Variants in CDH20 observed in about 807,000 individuals in gnomAD.
CDH20 encodes cadherin 20.
CDH20 carries 29 observed loss-of-function variants against 74.2 expected under a neutral mutation model. That is an observed-to-expected ratio of 0.39 (90% CI 0.29 to 0.53). The LOEUF is 0.53. Among genes scored for constraint, CDH20 ranks in the 20% least tolerant of loss-of-function variants. The pLI is 0.69. For missense variants in CDH20, 988 were observed against 1,048.3 expected (o/e 0.94, Z 0.79); for synonymous variants, 469 against 405.4 (o/e 1.16, Z -1.88).
At chr18:61,509,417 T>C (rs955787575) in intron 6 of CDH20, among the ~76,000 whole-genome samples, 1 of 151,946 alleles carries the variant, frequency 6.6e-6, no homozygotes, top group African/African-American at 2.4e-5. Context: ...GCATGAACTA[T>C]TGAGGAAAGC....
chr18:61,402,446 A>AG (rs1912185960), intron 1 of CDH20, among the ~76,000 whole-genome samples: 2 of 152,226 alleles, frequency 1.3e-5, no homozygotes, highest in African/African-American at 4.8e-5. Flanking sequence ...GGAAAAAAAA[A>AG]GGAAATTGAC....
At chr18:61,432,069 ACC>A (rs1215136119) in intron 1 of CDH20, among the ~76,000 whole-genome samples, 1 of 151,598 alleles carries the variant, frequency 6.6e-6, no homozygotes, top group African/African-American at 2.4e-5. Flanking sequence ...ACATGGTGAA[ACC>A]CCATCTCTAC....
intron 1 of CDH20, among the ~76,000 whole-genome samples, chr18:61,371,687 A>T (rs1191456018): frequency 6.6e-6 from 1 of 152,090 alleles, no homozygotes; most frequent in Non-Finnish European, 1.5e-5. Context: ...GGCCAAAAGA[A>T]AAGTAGCTCA....
At chr18:61,372,480 T>C (rs1032399965) in intron 1 of CDH20, among the ~76,000 whole-genome samples, 2 of 152,132 alleles carry the variant, frequency 1.3e-5, no homozygotes, top group African/African-American at 4.8e-5. Flanking sequence ...AGAAATTATT[T>C]AAATTCTCCC....
chr18:61,490,922 C>A, intron 2 of CDH20, 123 bp downstream of exon 2: 1 of 996,928 alleles, frequency 1.0e-6, no homozygotes, highest in Non-Finnish European at 1.5e-6. Flanking sequence ...TGGTACGTTA[C>A]TTGACACCTA....
intron 7 of CDH20, 39 bp downstream of exon 7, chr18:61,528,259 A>C: frequency 6.3e-7 from 1 of 1,599,296 alleles, no homozygotes; most frequent in Non-Finnish European, 8.6e-7. Flanking sequence ...ATATGCTGGA[A>C]TCTTCCCTTC....
intron 5 of CDH20, among the ~76,000 whole-genome samples, chr18:61,504,257 T>C (rs1911483605): frequency 6.6e-6 from 1 of 152,114 alleles, no homozygotes; most frequent in Non-Finnish European, 1.5e-5. Context: ...AGGAGGCATT[T>C]AGAGTGGTCC....
chr18:61,454,921 T>G (rs1909522026), intron 1 of CDH20, among the ~76,000 whole-genome samples: 1 of 152,140 alleles, frequency 6.6e-6, no homozygotes, highest in Non-Finnish European at 1.5e-5. Flanking sequence ...GCATCATGCG[T>G]GAGGCAAAAG....
At chr18:61,402,652 T>C (rs1048656847) in intron 1 of CDH20, among the ~76,000 whole-genome samples, 1 of 152,154 alleles carries the variant, frequency 6.6e-6, no homozygotes, top group Non-Finnish European at 1.5e-5. Context: ...TACTATAACC[T>C]GAGAAGAGTA....
chr18:61,373,105 C>A (rs925871469), intron 1 of CDH20, among the ~76,000 whole-genome samples: 2 of 151,510 alleles, frequency 1.3e-5, no homozygotes, highest in African/African-American at 4.9e-5. Context: ...TTTTGCCTTT[C>A]GTTTTTCTTA....
intron 1 of CDH20, among the ~76,000 whole-genome samples, chr18:61,406,483 G>A (rs994972999): frequency 6.6e-6 from 1 of 152,186 alleles, no homozygotes; most frequent in Non-Finnish European, 1.5e-5. Flanking sequence ...AGATTGGAGG[G>A]GAGTCTCTTC....
intron 1 of CDH20, among the ~76,000 whole-genome samples, chr18:61,482,547 A>G (rs1255580718): frequency 6.6e-6 from 1 of 152,308 alleles, no homozygotes; most frequent in East Asian, 1.9e-4. Flanking sequence ...CAGAAACACT[A>G]CTAAACAGAG....
At chr18:61,461,288 C>T (rs1909758685) in intron 1 of CDH20, among the ~76,000 whole-genome samples, 3 of 149,550 alleles carry the variant, frequency 2.0e-5, no homozygotes, top group Admixed American at 2.0e-4. Context: ...TGTATTAGTT[C>T]CCTAAGTTGA....
chr18:61,453,689 A>ATGTG (rs886946678), intron 1 of CDH20, among the ~76,000 whole-genome samples: 1 of 152,012 alleles, frequency 6.6e-6, no homozygotes, highest in African/African-American at 2.4e-5. Context: ...AGGTGCCCCA[A>ATGTG]TGTGTTTATC....
intron 1 of CDH20, among the ~76,000 whole-genome samples, chr18:61,361,386 T>C (rs900613309): frequency 6.6e-6 from 1 of 152,264 alleles, no homozygotes; most frequent in East Asian, 1.9e-4. Flanking sequence ...TATTAGTTGT[T>C]CAATTTGCTA....
At chr18:61,405,873 C>G (rs1912313723) in intron 1 of CDH20, among the ~76,000 whole-genome samples, 1 of 152,202 alleles carries the variant, frequency 6.6e-6, no homozygotes, top group African/African-American at 2.4e-5. Flanking sequence ...CTTCAAATAT[C>G]AGCATAACTT....
intron 1 of CDH20, among the ~76,000 whole-genome samples, chr18:61,341,437 A>C (rs752851704): frequency 6.6e-6 from 1 of 151,356 alleles, no homozygotes; most frequent in Non-Finnish European, 1.5e-5. Flanking sequence ...CCCCCCGCCT[A>C]ATGCCGTTCC....
intron 1 of CDH20, among the ~76,000 whole-genome samples, chr18:61,483,280 C>A (rs530676584): frequency 5.3e-5 from 8 of 152,212 alleles, no homozygotes; most frequent in Admixed American, 2.0e-4. Flanking sequence ...GTAGCATTTG[C>A]CAATACCCAT....
At chr18:61,415,649 G>T (rs1912657659) in intron 1 of CDH20, among the ~76,000 whole-genome samples, 1 of 152,130 alleles carries the variant, frequency 6.6e-6, no homozygotes, top group African/African-American at 2.4e-5. Flanking sequence ...TCACTCAAAA[G>T]TAGAATGCTG....
Sources: allele counts gnomAD v4.1 joint callset (sites outside exome capture counted in the v4.1 genomes callset), GRCh38; gene constraint gnomAD v4.1.1; transcripts MANE v1.5; gene names NCBI Gene and HGNC (gene_info 2026-07-23, HGNC 2026-07-21).